CCDC18: variants seen among roughly 807,000 people sequenced by gnomAD.
CCDC18 encodes coiled-coil domain-containing protein 18.
Under a neutral mutation model 196.0 loss-of-function variants are expected in CCDC18, and 157 were observed. The ratio of observed to expected loss-of-function variants is 0.80; its 90% CI spans 0.70 to 0.91. The LOEUF is 0.91. Ranked by LOEUF, CCDC18 falls within the 40% of genes least tolerant of loss-of-function variation. The pLI, the probability that CCDC18 is intolerant of heterozygous loss-of-function variation, is 0.00. For synonymous variants in CCDC18, 482 were observed against 529.2 expected, an observed-to-expected ratio of 0.91 and a Z score of 1.22; for missense variants, 1,465 against 1,611.6, an observed-to-expected ratio of 0.91 and a Z score of 1.56.
Position 93,270,717 on chromosome 1 carries a change from A to G in CCDC18, c.4256A>G (p.Asn1419Ser). The change falls in exon 28 of 29, where the codon AAT becomes AGT. Residue 1419 changes from asparagine to serine, a missense_variant. Asn to Ser is a conservative substitution (Grantham distance 46). Coordinates refer to ENST00000690025, the MANE Select transcript of CCDC18 (RefSeq NM_001378204.1). ...CTAGAAGCTGATAGTTCTGAGAATA[A>G]TGACTTTAACACGCTTAGTGGGATG... ...YNLEADSSENNDFNTLSGMLR... is the reference protein window; with the variant it reads ...YNLEADSSENSDFNTLSGMLR... The G allele has an allele frequency of 2.6e-6, 4 of 1,550,354 alleles. No homozygotes were observed. In the Admixed American group the frequency reaches 5.9e-5, roughly 23 times the overall value.
At chr1:93,204,755 A>T (rs530126175) in intron 7 of CCDC18, among the ~76,000 whole-genome samples, 53 of 151,542 alleles carry the variant, frequency 3.5e-4, no homozygotes, top group Middle Eastern at 3.4e-3. Flanking sequence ...TTTTTTTTTT[A>T]AATTTTATTA....
At position 93,270,712 on chromosome 1, in the gene CCDC18, G is replaced by A. The variant is rs1665168594; in HGVS notation, c.4251G>A (p.Glu1417=). 2 of 1,550,106 alleles carry A rather than the reference G, an allele frequency of 1.3e-6. No individual in the cohort carries two copies. Among genetic ancestry groups the A allele is most frequent in the South Asian group, 2.4e-5 (2 of 84,042 alleles). Reference sequence around the variant, plus strand: ...ATAACCTAGAAGCTGATAGTTCTGAGAATAATGACTTTAACACGCTTAGTG... The same window carrying A: ...ATAACCTAGAAGCTGATAGTTCTGAAAATAATGACTTTAACACGCTTAGTG... The part of the protein sequence containing the change: ...LTYNLEADSS[E]NNDFNTLSGM... The change falls in exon 28 of 29, where the codon GAG becomes GAA. Residue 1417 remains glutamate (E), a synonymous_variant. Transcript: ENST00000690025.
chr1:93,257,709 C>CT (rs1330373264), intron 25 of CCDC18, among the ~76,000 whole-genome samples: 1 of 152,080 alleles, frequency 6.6e-6, no homozygotes, highest in Non-Finnish European at 1.5e-5. Context: ...GGAAAGCTAT[C>CT]TACTTTTATC....
intron 16 of CCDC18, among the ~76,000 whole-genome samples, chr1:93,223,039 C>A (rs1326789627): frequency 6.6e-6 from 1 of 152,098 alleles, no homozygotes; most frequent in Non-Finnish European, 1.5e-5. Flanking sequence ...AATGTCAGTT[C>A]ATTTCCCTGT....
chr1:93,191,040 G>C, intron 4 of CCDC18: 1 of 890,640 alleles, frequency 1.1e-6, no homozygotes, highest in Non-Finnish European at 1.8e-6. Flanking sequence ...AAGTCCTGCA[G>C]GTTTTAGGAA....
chr1:93,180,628 A>G (rs367584539), upstream of CCDC18: 51 of 1,338,184 alleles, frequency 3.8e-5, no homozygotes, highest in Non-Finnish European at 4.9e-5. Context: ...GCCGACCACG[A>G]TCCCCGGCAA....
At chr1:93,217,320 C>G (rs1656667342) in intron 13 of CCDC18, among the ~76,000 whole-genome samples, 1 of 152,118 alleles carries the variant, frequency 6.6e-6, no homozygotes, top group African/African-American at 2.4e-5. Context: ...TAAATCTTCT[C>G]GTCTTGATAA....
intron 12 of CCDC18, among the ~76,000 whole-genome samples, chr1:93,215,725 G>C (rs998758569): frequency 6.6e-5 from 10 of 151,986 alleles, no homozygotes; most frequent in African/African-American, 2.4e-4. Context: ...CAAAATGCTG[G>C]GATTACTGGT....
intron 27 of CCDC18, 75 bp downstream of exon 27, chr1:93,264,976 G>A: frequency 9.8e-7 from 1 of 1,023,286 alleles, no homozygotes; most frequent in Non-Finnish European, 1.5e-6. Flanking sequence ...TGTCTTAGTA[G>A]TTTATAGAGG....
At chr1:93,197,627 A>C (rs931846588) in intron 6 of CCDC18, among the ~76,000 whole-genome samples, 2 of 152,074 alleles carry the variant, frequency 1.3e-5, no homozygotes. Flanking sequence ...CAATGGTGAC[A>C]AAAGGAAAGG....
At chr1:93,204,676 C>G (rs959800627) in intron 7 of CCDC18, among the ~76,000 whole-genome samples, 1 of 151,986 alleles carries the variant, frequency 6.6e-6, no homozygotes, top group Admixed American at 6.6e-5. Context: ...AGTGGTCATT[C>G]CTTTGCAGTA....
At chr1:93,197,173 T>A (rs1294547890) in intron 6 of CCDC18, among the ~76,000 whole-genome samples, 2 of 151,664 alleles carry the variant, frequency 1.3e-5, no homozygotes, top group African/African-American at 4.8e-5. Context: ...AGTAAGGAAA[T>A]AATAAAGATA....
intron 6 of CCDC18, among the ~76,000 whole-genome samples, chr1:93,198,580 TTACTC>T (rs1242020820): frequency 1.6e-4 from 25 of 152,302 alleles, no homozygotes; most frequent in African/African-American, 5.8e-4. Context: ...TTTCTGTACT[TTACTC>T]AATAAAAAAT....
intron 23 of CCDC18, among the ~76,000 whole-genome samples, chr1:93,248,702 ACGGTGGTGCGTGCCTGTAATCCCAG>A (rs1157666942): frequency 2.0e-5 from 3 of 152,018 alleles, no homozygotes; most frequent in Non-Finnish European, 4.4e-5. Flanking sequence ...TGGGCCAGGC[ACGGTGGTGCGTGCCTGTAATCCCAG>A]CACTTTGGGA....
chr1:93,185,674 G>C (rs1650535644), intron 3 of CCDC18, among the ~76,000 whole-genome samples: 1 of 151,988 alleles, frequency 6.6e-6, no homozygotes. Context: ...ATGTATGCAT[G>C]TGGAATTACC....
intron 28 of CCDC18, chr1:93,271,459 T>C (rs1665252429): frequency 1.0e-6 from 1 of 985,332 alleles, no homozygotes; most frequent in South Asian, 4.7e-5. Context: ...TTGCCTGTTT[T>C]GCTTCTCTGC....
intron 28 of CCDC18, among the ~76,000 whole-genome samples, chr1:93,274,467 T>C (rs909657625): frequency 6.6e-6 from 1 of 152,166 alleles, no homozygotes; most frequent in African/African-American, 2.4e-5. Flanking sequence ...TTTCTTACTC[T>C]GTAGGTTTTT....
chr1:93,198,081 AT>A (rs1469393768), intron 6 of CCDC18, among the ~76,000 whole-genome samples: 1 of 152,122 alleles, frequency 6.6e-6, no homozygotes, highest in African/African-American at 2.4e-5. Context: ...GGAAGTGTAA[AT>A]TGGTAGAACC....
At chr1:93,267,444 C>T (rs893401953) in intron 27 of CCDC18, among the ~76,000 whole-genome samples, 4 of 152,052 alleles carry the variant, frequency 2.6e-5, no homozygotes, top group Non-Finnish European at 5.9e-5. Context: ...CTGGCCAGGG[C>T]AATCAGGCAG....
Sources: allele counts gnomAD v4.1 joint callset (sites outside exome capture counted in the v4.1 genomes callset), GRCh38; gene constraint gnomAD v4.1.1; transcripts MANE v1.5; gene names NCBI Gene and HGNC (gene_info 2026-07-23, HGNC 2026-07-21).